AGBL1: variants seen among roughly 807,000 people sequenced by gnomAD.
The protein encoded by AGBL1 is cytosolic carboxypeptidase 4.
A neutral mutation model predicts 118.9 loss-of-function variants in AGBL1; 130 were observed. The observed-to-expected ratio is 1.09, with a 90% CI of 0.95 to 1.26. AGBL1 has a LOEUF of 1.26. AGBL1 is among the 50% of genes most tolerant of loss of function. AGBL1 has a pLI of 0.00. For synonymous variants in AGBL1, 555 were observed against 478.9 expected (o/e 1.16, Z -2.08); for missense variants, 1,584 against 1,298.1 (o/e 1.22, Z -3.38).
intron 22 of AGBL1, among the ~76,000 whole-genome samples, chr15:86,856,508 T>C (rs1419641787): frequency 1.3e-5 from 2 of 152,208 alleles, no homozygotes; most frequent in East Asian, 1.9e-4. Context: ...ATATTGCTTA[T>C]GGTTCCTTCA....
At chr15:86,298,180 C>T (rs1157495504) in intron 17 of AGBL1, among the ~76,000 whole-genome samples, 2 of 147,046 alleles carry the variant, frequency 1.4e-5, no homozygotes, top group African/African-American at 2.5e-5. Context: ...ACCTAAGCCA[C>T]GTGCTGGGGC....
chr15:86,532,806 G>A (rs1478789805), intron 19 of AGBL1, among the ~76,000 whole-genome samples: 6 of 101,226 alleles, frequency 5.9e-5, no homozygotes, highest in Non-Finnish European at 9.8e-5. Context: ...AAATAACGCC[G>A]CTTACCTACA....
intron 5 of AGBL1, among the ~76,000 whole-genome samples, chr15:86,161,317 G>A (rs1248435273): frequency 6.6e-6 from 1 of 152,198 alleles, no homozygotes; most frequent in African/African-American, 2.4e-5. Flanking sequence ...GAGGTGCCCT[G>A]CACTGTGCTA....
chr15:86,903,136 C>T (rs1285619336), intron 22 of AGBL1, among the ~76,000 whole-genome samples: 1 of 151,550 alleles, frequency 6.6e-6, no homozygotes, highest in Admixed American at 6.6e-5. Context: ...TTCTATTTTT[C>T]TACTTTCAGG....
intron 22 of AGBL1, among the ~76,000 whole-genome samples, chr15:86,696,530 A>T (rs2142626464): frequency 6.6e-6 from 1 of 151,740 alleles, no homozygotes; most frequent in East Asian, 1.9e-4. Context: ...TGGCCGGTGA[A>T]TTCTTACTGA....
At chr15:86,421,637 A>G (rs2081791215) in intron 18 of AGBL1, among the ~76,000 whole-genome samples, 1 of 152,222 alleles carries the variant, frequency 6.6e-6, no homozygotes, top group Admixed American at 6.5e-5. Context: ...AAATGCCCCA[A>G]TTAAAAGACA....
chr15:86,854,856 G>A (rs374904747), intron 22 of AGBL1, among the ~76,000 whole-genome samples: 5 of 152,140 alleles, frequency 3.3e-5, no homozygotes, highest in South Asian at 4.1e-4. Context: ...TTGATGATTC[G>A]CATGAAAAAC....
At chr15:86,429,130 A>G (rs1383323230) in intron 18 of AGBL1, among the ~76,000 whole-genome samples, 1 of 152,244 alleles carries the variant, frequency 6.6e-6, no homozygotes, top group Non-Finnish European at 1.5e-5. Flanking sequence ...TTGGATCACC[A>G]GGTCATGAGG....
chr15:86,966,614 T>C (rs55776976), intron 23 of AGBL1, among the ~76,000 whole-genome samples: 6,351 of 152,162 alleles, frequency 0.042, 165 homozygotes, highest in Middle Eastern at 0.071. Context: ...CTGAGAATGA[T>C]GGTTTCCAGC....
intron 21 of AGBL1, among the ~76,000 whole-genome samples, chr15:86,652,544 T>C (rs1398805643): frequency 1.3e-5 from 2 of 152,162 alleles, no homozygotes; most frequent in African/African-American, 2.4e-5. Context: ...GTTATGTAGA[T>C]ACCTACCTCG....
chr15:86,310,865 G>C (rs2079910525), intron 17 of AGBL1, among the ~76,000 whole-genome samples: 1 of 152,148 alleles, frequency 6.6e-6, no homozygotes, highest in South Asian at 2.1e-4. Flanking sequence ...CGTATGTGAG[G>C]ATTTGCTTAT....
chr15:86,088,349 A>G (rs1018622848), intron 1 of AGBL1: 1 of 152,256 alleles, frequency 6.6e-6, no homozygotes, highest in African/African-American at 2.4e-5. Context: ...CCTTCCTGTA[A>G]AAGCAACAGA....
chr15:86,856,855 G>A (rs2079489595), intron 22 of AGBL1, among the ~76,000 whole-genome samples: 1 of 152,204 alleles, frequency 6.6e-6, no homozygotes, highest in African/African-American at 2.4e-5. Flanking sequence ...GTACTATGCT[G>A]ACTTTGCAAA....
intron 4 of AGBL1, among the ~76,000 whole-genome samples, chr15:86,158,520 G>T (rs16948779): frequency 1.1e-3 from 166 of 152,282 alleles, no homozygotes; most frequent in African/African-American, 3.9e-3. Context: ...TAGGGTACTG[G>T]GAATGTTGGA....
Position 86,397,567 on chromosome 15 carries a change from A to G in AGBL1, c.2555+21A>G, listed in dbSNP as rs758510582. ...GGCAAGTATGTCAGGCACCTGGCTC[A>G]GCCAAACCCACAATTATGCTACCAC... On this transcript the variant is annotated intron_variant, in intron 18 of 22. Transcript: ENST00000614907. The G allele has an allele frequency of 5.0e-6, 8 of 1,585,738 alleles. No homozygotes were observed. In the Admixed American group the frequency reaches 1.2e-4, roughly 24 times the overall value.
chr15:86,512,349 G>T (rs1369884713), intron 18 of AGBL1, among the ~76,000 whole-genome samples: 1 of 151,854 alleles, frequency 6.6e-6, no homozygotes, highest in Admixed American at 6.6e-5. Flanking sequence ...ATATTGATAA[G>T]AATTTGTCTA....
At chr15:86,562,732 T>C (rs1157945502) in intron 21 of AGBL1, among the ~76,000 whole-genome samples, 1 of 152,226 alleles carries the variant, frequency 6.6e-6, no homozygotes, top group Non-Finnish European at 1.5e-5. Flanking sequence ...CAGCTCCTCC[T>C]TGTACCTCTG....
chr15:86,703,389 T>G (rs1468351598), intron 22 of AGBL1, among the ~76,000 whole-genome samples: 1 of 152,134 alleles, frequency 6.6e-6, no homozygotes, highest in Non-Finnish European at 1.5e-5. Context: ...ATGATGTGCT[T>G]TTAGGTGAGT....
intron 18 of AGBL1, among the ~76,000 whole-genome samples, chr15:86,466,571 C>T (rs1310029372): frequency 6.6e-6 from 1 of 152,154 alleles, no homozygotes. Context: ...GGAGAAGAGG[C>T]TTTCTGATTT....
Sources: gnomAD v4.1 joint callset for allele counts (sites outside exome capture counted in the v4.1 genomes callset) on GRCh38, gnomAD v4.1.1 for gene constraint, MANE v1.5 for transcripts, NCBI Gene and HGNC (gene_info 2026-07-23, HGNC 2026-07-21) for gene names.